SETX: variants seen among roughly 807,000 people sequenced by gnomAD.
SETX encodes helicase senataxin.
In SETX, 90 loss-of-function variants were observed where a neutral mutation model predicts 227.2. The ratio of observed to expected loss-of-function variants is 0.40; its 90% CI spans 0.33 to 0.47. SETX has a LOEUF of 0.47. SETX is among the 20% of genes least tolerant of loss of function. SETX has a pLI of 0.91. For synonymous variants in SETX, 1,210 were observed against 1,113.2 expected (o/e 1.09, Z -1.73); for missense variants, 3,052 against 3,181.5 (o/e 0.96, Z 0.98).
At position 132,283,286 on chromosome 9, in the gene SETX, A is replaced by G. The variant is rs761333820; in HGVS notation, c.6524T>C (p.Phe2175Ser). The G allele has an allele frequency of 6.2e-6, 10 of 1,614,164 alleles. No individual in the cohort carries two copies. The highest frequency in any genetic ancestry group is 8.5e-6 in the Non-Finnish European group (10 of 1,180,002). The change falls in exon 19 of 26, where the codon TTC (phenylalanine) becomes TCC (serine). Residue 2175 changes from phenylalanine (F) to serine (S), a missense_variant. Around this residue, in one of 10 missense-constraint regions of SETX, gnomAD observed 412 missense variants for 589.0 expected, o/e 0.70. Coordinates refer to ENST00000224140, the MANE Select transcript of SETX (RefSeq NM_015046.7). ...GACCTCATCAACAATGACACAGCTG[A>G]AGGGGACACCCCCTTGCCCACGGAA... The part of the protein sequence containing the change: ...SAFRGQGGVP[F>S]SCVIVDEAGQ...
chr9:132,271,436 A>G (rs1175634450), intron 24 of SETX, among the ~76,000 whole-genome samples: 1 of 152,168 alleles, frequency 6.6e-6, no homozygotes, highest in African/African-American at 2.4e-5. Flanking sequence ...GTGGTAGCAC[A>G]TGCCTGTAGT....
At position 132,327,442 on chromosome 9, in the gene SETX, T is replaced by G. The variant is rs543573; in HGVS notation, c.4156A>C (p.Ile1386Leu). Reference protein sequence around the residue: ...AGSHTAQNSDIFVPESDRSDY... With the variant: ...AGSHTAQNSDLFVPESDRSDY... ...GACCTATCAGATTCTGGTACAAATATGTCAGAATTCTGTGCTGTATGTGAC... is the reference window on the plus strand; with the variant it reads ...GACCTATCAGATTCTGGTACAAATAGGTCAGAATTCTGTGCTGTATGTGAC... Residue 1386 changes from isoleucine (I) to leucine (L), a missense_variant, in exon 10 of 26, where the codon ATA becomes CTA. Ile to Leu is a conservative substitution (Grantham distance 5, BLOSUM62 2). Coordinates refer to ENST00000224140, the MANE Select transcript of SETX (RefSeq NM_015046.7). The G allele has an allele frequency of 6.2e-7, 1 of 1,614,026 alleles. No homozygotes were observed. Among genetic ancestry groups the G allele is most frequent in the South Asian group, 1.1e-5 (1 of 91,084 alleles).
chr9:132,301,554 T>C (rs1343607132), intron 11 of SETX, among the ~76,000 whole-genome samples: 1 of 152,220 alleles, frequency 6.6e-6, no homozygotes, highest in East Asian at 1.9e-4. Flanking sequence ...ATATTTTTAC[T>C]GTATCTTTTC....
At chr9:132,334,174 A>G (rs1446228539) in intron 7 of SETX, among the ~76,000 whole-genome samples, 1 of 152,186 alleles carries the variant, frequency 6.6e-6, no homozygotes, top group Non-Finnish European at 1.5e-5. Context: ...TTCTGATTTA[A>G]AAGTCTCATG....
Position 132,304,099 on chromosome 9 carries a change from C to A in SETX, c.5375-3296G>T, listed in dbSNP as rs148257755. Among the ~76,000 whole-genome samples, 492 of 152,236 alleles carry A rather than the reference C, an allele frequency of 3.2e-3. 2 individuals carry two copies. Among genetic ancestry groups the A allele is most frequent in the African/African-American group, 0.011 (473 of 41,534 alleles). ...CAGGCTGGGGCAACAGAGCAAGACTCCGTCTCAAAAAAAGAGAGCTCAGGA... is the reference window on the plus strand; with the variant it reads ...CAGGCTGGGGCAACAGAGCAAGACTACGTCTCAAAAAAAGAGAGCTCAGGA... On this transcript the variant is annotated intron_variant, in intron 11 of 25. Transcript: ENST00000224140.
intron 4 of SETX, among the ~76,000 whole-genome samples, chr9:132,343,763 C>T (rs559574121): frequency 1.9e-4 from 29 of 151,914 alleles, no homozygotes; most frequent in Admixed American, 1.5e-3. Context: ...GTTTGACTTG[C>T]AAAAAAACAT....
intron 15 of SETX, 52 bp from the exon 16 acceptor site, chr9:132,288,703 C>T: frequency 8.9e-7 from 1 of 1,126,718 alleles, no homozygotes. Context: ...CTGATCAATC[C>T]TGTCTCTATA....
In SETX at chr9:132,329,600, A is replaced by C. The variant is rs1472321917; in HGVS notation, c.1998T>G (p.Gly666=). ...VLIKADNTIE[G]DNNEQNYIKD... is the part of the protein sequence containing the mutation. ...TTATATAATTTTGCTCATTATTGTC[A>C]CCTTCTATAGTGTTATCTGCTTTGA... The change falls in exon 10 of 26, where the codon GGT becomes GGG. Residue 666 remains glycine, a synonymous_variant. Coordinates refer to ENST00000224140, the MANE Select transcript of SETX (RefSeq NM_015046.7). The C allele has an allele frequency of 1.2e-6, 2 of 1,613,616 alleles. No individual in the cohort carries two copies. Among genetic ancestry groups the C allele is most frequent in the Non-Finnish European group, 1.7e-6 (2 of 1,179,968 alleles).
rs543037326 is a variant in SETX, at chr9:132,323,004, GA to G, written c.5274+3319del. Among the ~76,000 whole-genome samples, 13 of 152,100 alleles carry G rather than the reference GA, an allele frequency of 8.5e-5. No homozygotes were observed. The East Asian group carries it at 2.5e-3, about 29-fold the overall frequency. On this transcript the variant is annotated intron_variant, in intron 10 of 25. Transcript: ENST00000224140. Reference sequence around the variant, plus strand: ...CAAGAAAGGATAACAAAAAGAAAATGAGATGAAAGATAGAAAAAATTAAAGA... The same window carrying G: ...CAAGAAAGGATAACAAAAAGAAAATGGATGAAAGATAGAAAAAATTAAAGA...
chr9:132,321,901 G>A (rs139423623), intron 10 of SETX, among the ~76,000 whole-genome samples: 1 of 152,218 alleles, frequency 6.6e-6, no homozygotes, highest in African/African-American at 2.4e-5. Context: ...TAATGGTGGG[G>A]TGGGGCTTCC....
chr9:132,329,147 T>A lies in SETX; in HGVS notation c.2451A>T (p.Val817=). 6.2e-7 allele frequency: 1 copy of A among 1,611,624 alleles called. No homozygotes were observed. Among genetic ancestry groups the A allele is most frequent in the Non-Finnish European group, 8.5e-7 (1 of 1,179,694 alleles). The change falls in exon 10 of 26, where the codon GTA becomes GTT. Residue 817 remains valine (V), a synonymous_variant. Coordinates refer to ENST00000224140, the MANE Select transcript of SETX (RefSeq NM_015046.7). ...TTGAATAGAAACTCTCAATGTTAGA[T>A]ACAGTCAAATTTTCATCTAAATTGA... The part of the protein sequence containing the change: ...NTINLDENLT[V]SNIESFYSRK...
chr9:132,350,942 C>T (rs987804544), intron 2 of SETX, among the ~76,000 whole-genome samples: 6 of 152,152 alleles, frequency 3.9e-5, no homozygotes, highest in South Asian at 4.1e-4. Context: ...CGCAGAGTAC[C>T]GCCCTTTCCT....
intron 3 of SETX, among the ~76,000 whole-genome samples, chr9:132,347,708 A>G (rs1259447892): frequency 6.6e-6 from 1 of 150,902 alleles, no homozygotes; most frequent in Non-Finnish European, 1.5e-5. Flanking sequence ...CTCTCTGTCA[A>G]ATGCAAAACC....
chr9:132,265,878 T>C (rs1196491012), intron 25 of SETX, among the ~76,000 whole-genome samples: 1 of 152,186 alleles, frequency 6.6e-6, no homozygotes, highest in East Asian at 1.9e-4. Flanking sequence ...AGGCTTTCAC[T>C]GGATTTCTAA....
chr9:132,264,538 C>A lies in SETX; in HGVS notation c.7735G>T (p.Val2579Phe), dbSNP rs144121978. The stretch of plus-strand genomic sequence containing the variant: ...ATATGGCTCAGGTCCTGGTGAACGA[C>A]AGGGAAGCCCGGCTCGCCCGTAGGA... ...TPPTGEPGFP[V>F]VHQDLSHIQQ... is the part of the protein sequence containing the mutation. The change falls in exon 26 of 26, where the codon GTC becomes TTC. Residue 2579 changes from valine (V) to phenylalanine (F), a missense_variant. By Grantham distance (50) the Val-to-Phe change is conservative (BLOSUM62 -1). This residue lies in a region of SETX where 294 missense variants were observed against 278.8 expected (regional missense o/e 1.05). Coordinates refer to ENST00000224140, the MANE Select transcript of SETX (RefSeq NM_015046.7). The A allele has an allele frequency of 2.0e-5, 32 of 1,613,872 alleles. No individual in the cohort carries two copies. In the African/African-American group the frequency reaches 3.6e-4, roughly 18 times the overall value.
chr9:132,328,746 T>G lies in SETX; in HGVS notation c.2852A>C (p.Asp951Ala). ...EQAPDISPKSDTLTDSQIDRD... is the reference protein window; with the variant it reads ...EQAPDISPKSATLTDSQIDRD... ...GTCTATCTGAGAATCCGTTAAGGTG[T>G]CAGATTTAGGACTGATGTCAGGGGC... Residue 951 changes from aspartate to alanine, a missense_variant, in exon 10 of 26, where the codon GAC (aspartate) becomes GCC (alanine). Asp to Ala is a moderately radical substitution (Grantham distance 126). This residue lies in a region of SETX where 1,483 missense variants were observed against 1,312.0 expected (regional missense o/e 1.13). Coordinates refer to ENST00000224140, the MANE Select transcript of SETX (RefSeq NM_015046.7). 6.2e-7 allele frequency: 1 copy of G among 1,613,084 alleles called. No individual in the cohort carries two copies. Among genetic ancestry groups the G allele is most frequent in the Non-Finnish European group, 8.5e-7 (1 of 1,179,602 alleles).
At chr9:132,348,469 C>T (rs1439321558) in intron 3 of SETX, among the ~76,000 whole-genome samples, 2 of 150,360 alleles carry the variant, frequency 1.3e-5, no homozygotes, top group African/African-American at 4.9e-5. Context: ...AATTATGAAA[C>T]AAATCCCCTC....
At chr9:132,289,448 G>A (rs767132488) in intron 15 of SETX, among the ~76,000 whole-genome samples, 2 of 151,968 alleles carry the variant, frequency 1.3e-5, no homozygotes, top group Non-Finnish European at 2.9e-5. Flanking sequence ...AGCCTTTGCA[G>A]CCTCTGATTT....
At chr9:132,308,769 C>T (rs1845478327) in intron 11 of SETX, among the ~76,000 whole-genome samples, 2 of 152,168 alleles carry the variant, frequency 1.3e-5, no homozygotes, top group African/African-American at 4.8e-5. Context: ...GTTGTCAATT[C>T]TTCCCAAATT....
Sources: gnomAD v4.1 joint callset for allele counts (sites outside exome capture counted in the v4.1 genomes callset) on GRCh38, gnomAD v4.1.1 for gene constraint, gnomAD v4.1.1 regional missense constraint, MANE v1.5 for transcripts, NCBI Gene and HGNC (gene_info 2026-07-23, HGNC 2026-07-21) for gene names.